Variants in PALM2AKAP2 observed in about 807,000 individuals in gnomAD.
PALM2AKAP2 encodes PALM2 and AKAP2 fusion.
A neutral mutation model predicts 71.5 loss-of-function variants in PALM2AKAP2; 37 were observed. The ratio of observed to expected loss-of-function variants is 0.52; its 90% CI spans 0.40 to 0.68. The LOEUF (loss-of-function observed/expected upper bound fraction) is 0.68. PALM2AKAP2 is among the 30% of genes least tolerant of loss of function. The probability of loss-of-function intolerance (pLI) is 0.00; values close to 1 mark genes in which losing one functional copy is unlikely to be tolerated. For synonymous variants in PALM2AKAP2, 468 were observed against 478.8 expected (o/e 0.98, Z 0.29); for missense variants, 1,224 against 1,191.8 (o/e 1.03, Z -0.40).
chr9:109,923,802 C>T (rs1375912164), exon 4 of PALM2AKAP2: 1 of 1,603,272 alleles, frequency 6.2e-7, no homozygotes, highest in East Asian at 2.2e-5. Flanking sequence ...GCAAATCATC[C>T]TAGAGAAACT....
intron 6 of PALM2AKAP2, among the ~76,000 whole-genome samples, chr9:109,980,242 G>A (rs950589796): frequency 3.9e-5 from 6 of 152,090 alleles, no homozygotes; most frequent in Admixed American, 1.3e-4. Flanking sequence ...AGTGTCCCTG[G>A]ATAAAGTCAT....
chr9:109,667,706 T>A lies in PALM2AKAP2; in HGVS notation c.5+26840T>A, dbSNP rs371658448. ...TACTCAGGAGGCTGAGGTGAGAGAA[T>A]CACTTGACACTGGGAGGCAGAGGTT... On this transcript the variant is annotated intron_variant, in intron 1 of 6. Transcript: ENST00000374531. Among the ~76,000 whole-genome samples the A allele has an allele frequency of 1.2e-3, 187 of 152,140 alleles. 1 individual carries two copies. The highest frequency in any genetic ancestry group is 4.1e-3 in the African/African-American group (172 of 41,530).
chr9:109,964,896 T>C (rs1405058985), intron 6 of PALM2AKAP2, among the ~76,000 whole-genome samples: 1 of 152,136 alleles, frequency 6.6e-6, no homozygotes, highest in African/African-American at 2.4e-5. Context: ...AGAATCTAGA[T>C]TCATGCTGGA....
exon 4 of PALM2AKAP2, chr9:110,170,095 A>G (rs540169333): frequency 6.6e-6 from 1 of 152,614 alleles, no homozygotes; most frequent in Non-Finnish European, 1.5e-5. Flanking sequence ...TTAGTATACT[A>G]TAGAGGATGC....
chr9:110,020,456 GT>G (rs1394188549), intron 7 of PALM2AKAP2, among the ~76,000 whole-genome samples: 1 of 152,136 alleles, frequency 6.6e-6, no homozygotes, highest in East Asian at 1.9e-4. Flanking sequence ...GCCGAGGTGG[GT>G]GGATCACCTG....
intron 7 of PALM2AKAP2, chr9:110,025,124 C>T (rs1398260961): frequency 4.1e-5 from 51 of 1,244,696 alleles, no homozygotes; most frequent in Non-Finnish European, 5.8e-5. Context: ...TTGCCCTTAA[C>T]TTGTTTGTTT....
Position 110,106,149 on chromosome 9 carries a change from C to T in PALM2AKAP2, c.157-29978C>T, listed in dbSNP as rs1261888194. 7.9e-5 allele frequency among the ~76,000 whole-genome samples: 12 copies of T among 152,274 alleles called. No individual in the cohort carries two copies. In the East Asian group the frequency reaches 1.3e-3, roughly 17 times the overall value. On this transcript the variant is annotated intron_variant, in intron 1 of 3. Coordinates refer to ENST00000374525, the Ensembl canonical transcript of PALM2AKAP2. ...CATTGGTAAGAGTTGGCTTCTTTAG[C>T]GAACATGATTTTGTATTTTTGGAGA...
chr9:109,780,373 C>T (rs1587905967), upstream of PALM2AKAP2: 1 of 1,597,486 alleles, frequency 6.3e-7, no homozygotes, highest in Admixed American at 1.7e-5. Context: ...CCAGCCGTCC[C>T]TGGGCGTTCT....
chr9:110,085,790 A>G (rs1406435763), intron 1 of PALM2AKAP2, among the ~76,000 whole-genome samples: 1 of 152,170 alleles, frequency 6.6e-6, no homozygotes, highest in Non-Finnish European at 1.5e-5. Context: ...TCATATTTAG[A>G]AAAGTGTGGC....
chr9:110,099,636 G>T (rs1048360082), intron 1 of PALM2AKAP2, among the ~76,000 whole-genome samples: 8 of 152,162 alleles, frequency 5.3e-5, no homozygotes, highest in African/African-American at 1.9e-4. Flanking sequence ...GCCCCCAGGG[G>T]GTGGAATTGT....
At chr9:110,049,887 G>A (rs917507443) in intron 1 of PALM2AKAP2, among the ~76,000 whole-genome samples, 2 of 152,210 alleles carry the variant, frequency 1.3e-5, no homozygotes, top group African/African-American at 4.8e-5. Context: ...GCTCTCCAAC[G>A]CGGATGCCAG....
intron 1 of PALM2AKAP2, among the ~76,000 whole-genome samples, chr9:110,064,000 C>G (rs1305073264): frequency 6.6e-6 from 1 of 152,144 alleles, no homozygotes; most frequent in Admixed American, 6.5e-5. Flanking sequence ...GTCTGGGAAC[C>G]TGGAGCCCCT....
At chr9:109,723,195 C>T (rs1247993234) in intron 1 of PALM2AKAP2, among the ~76,000 whole-genome samples, 1 of 152,262 alleles carries the variant, frequency 6.6e-6, no homozygotes, top group Admixed American at 6.5e-5. Flanking sequence ...CTTCAAACTT[C>T]TTCAGTATCT....
chr9:110,166,266 G>A (rs1236564453), intron 3 of PALM2AKAP2, among the ~76,000 whole-genome samples: 1 of 152,194 alleles, frequency 6.6e-6, no homozygotes, highest in Non-Finnish European at 1.5e-5. Context: ...GGATACTGAA[G>A]CACAGGGGTA....
intron 2 of PALM2AKAP2, among the ~76,000 whole-genome samples, chr9:110,142,874 C>G (rs1055960261): frequency 5.9e-5 from 9 of 152,192 alleles, no homozygotes; most frequent in Non-Finnish European, 1.3e-4. Context: ...AGTGAGAAGC[C>G]AGTGAGAGTT....
chr9:109,697,315 T>C (rs1475718931), intron 1 of PALM2AKAP2, among the ~76,000 whole-genome samples: 1 of 152,218 alleles, frequency 6.6e-6, no homozygotes, highest in Non-Finnish European at 1.5e-5. Context: ...ACAAATATAG[T>C]TGAATATTCA....
intron 6 of PALM2AKAP2, among the ~76,000 whole-genome samples, chr9:110,011,141 T>C (rs1832879875): frequency 6.8e-6 from 1 of 146,434 alleles, no homozygotes; most frequent in African/African-American, 2.5e-5. Context: ...TAAATGTATA[T>C]ATGTGGAGAA....
chr9:109,743,650 G>A (rs1180546330), intron 1 of PALM2AKAP2, among the ~76,000 whole-genome samples: 1 of 152,188 alleles, frequency 6.6e-6, no homozygotes, highest in African/African-American at 2.4e-5. Flanking sequence ...CCAGGAGAAA[G>A]TTTCAAAAAT....
chr9:109,886,089 G>T (rs1318017308), intron 3 of PALM2AKAP2, among the ~76,000 whole-genome samples: 1 of 152,222 alleles, frequency 6.6e-6, no homozygotes, highest in Non-Finnish European at 1.5e-5. Flanking sequence ...GATTGGAATT[G>T]TTGAAAGCAA....
Sources: allele counts gnomAD v4.1 joint callset (sites outside exome capture counted in the v4.1 genomes callset), GRCh38; gene constraint gnomAD v4.1.1; transcripts MANE v1.5; gene names NCBI Gene and HGNC (gene_info 2026-07-23, HGNC 2026-07-21).